Variants in KATNIP observed in about 807,000 individuals in gnomAD.
KATNIP encodes katanin-interacting protein.
In KATNIP, 126 loss-of-function variants were observed where a neutral mutation model predicts 174.0. That is an observed-to-expected ratio of 0.72 (90% CI 0.63 to 0.84). KATNIP has a LOEUF of 0.84. Ranked by LOEUF, KATNIP falls within the 40% of genes least tolerant of loss-of-function variation. KATNIP has a pLI of 0.00. For synonymous variants in KATNIP, 810 were observed against 835.7 expected (o/e 0.97, Z 0.53); for missense variants, 1,958 against 2,109.7 (o/e 0.93, Z 1.41).
At chr16:27,623,987 C>A (rs1179019611) in intron 3 of KATNIP, among the ~76,000 whole-genome samples, 1 of 152,110 alleles carries the variant, frequency 6.6e-6, no homozygotes, top group Non-Finnish European at 1.5e-5. Flanking sequence ...TCTGTTTCCT[C>A]TTCTGTAACA....
rs540011620 is a variant in KATNIP at position 27,641,260 on chromosome 16, G to T, written c.409-7344G>T. ...TCATCCCGATTCTTGGTTATCTTAA[G>T]TTCAGGCACGTTTGGGTCCAGGAGC... On this transcript the variant is annotated intron_variant, in intron 5 of 27. Coordinates refer to ENST00000261588, the MANE Select transcript of KATNIP (RefSeq NM_015202.5). Among the ~76,000 whole-genome samples, 17 of 152,140 alleles carry T rather than the reference G, an allele frequency of 1.1e-4. No homozygotes were observed. In the South Asian group the frequency reaches 3.5e-3, roughly 32 times the overall value.
chr16:27,701,364 G>C (rs1445359627), intron 10 of KATNIP: 5 of 446,166 alleles, frequency 1.1e-5, no homozygotes, highest in Non-Finnish European at 2.1e-5. Flanking sequence ...GTCACTCATC[G>C]AAGTGGATTG....
At chr16:27,758,071 G>A (rs551711152) in intron 18 of KATNIP, among the ~76,000 whole-genome samples, 1 of 152,296 alleles carries the variant, frequency 6.6e-6, no homozygotes, top group South Asian at 2.1e-4. Flanking sequence ...GAAAAGGAGA[G>A]TAATCAATTT....
chr16:27,778,268 G>A (rs1224147438), intron 27 of KATNIP, among the ~76,000 whole-genome samples: 2 of 152,338 alleles, frequency 1.3e-5, no homozygotes, highest in African/African-American at 2.4e-5. Context: ...GGTTTGCCCC[G>A]GGCCGTGGGA....
chr16:27,682,024 G>A lies in KATNIP; in HGVS notation c.940+494G>A, dbSNP rs138003132. 3.4e-3 allele frequency among the ~76,000 whole-genome samples: 516 copies of A among 152,318 alleles called. 4 individuals carry two copies. The highest frequency in any genetic ancestry group is 0.011 in the African/African-American group (463 of 41,566). On this transcript the variant is annotated intron_variant, in intron 8 of 27. Transcript: ENST00000261588. ...TTTCCTGTGGCCCAGTCAAGCCAAC[G>A]CATTAAAGTAACCATGAGAGTGATT...
intron 1 of KATNIP, among the ~76,000 whole-genome samples, chr16:27,571,590 G>A (rs1179639008): frequency 6.6e-6 from 1 of 152,210 alleles, no homozygotes; most frequent in Admixed American, 6.5e-5. Context: ...GGGATCTGCC[G>A]TGCTCACCCT....
intron 19 of KATNIP, 68 bp from the exon 20 acceptor site, chr16:27,766,241 G>A (rs377091841): frequency 1.3e-6 from 2 of 1,562,592 alleles, no homozygotes; most frequent in East Asian, 2.3e-5. Context: ...GAGGGGGTGG[G>A]GGCCCCACTG....
chr16:27,664,206 T>G lies in KATNIP; in HGVS notation c.541-13523T>G, dbSNP rs575736877. On this transcript the variant is annotated intron_variant, in intron 6 of 27. Coordinates refer to ENST00000261588, the MANE Select transcript of KATNIP (RefSeq NM_015202.5). Reference sequence around the variant, plus strand: ...ATTTTTGCTATCGTTTTGTATTAGTTTCTAATTTGGCCACATTATGATTTA... The same window carrying G: ...ATTTTTGCTATCGTTTTGTATTAGTGTCTAATTTGGCCACATTATGATTTA... Among the ~76,000 whole-genome samples, 32 of 152,332 alleles carry G rather than the reference T, an allele frequency of 2.1e-4. 1 individual carries two copies. The highest frequency in any genetic ancestry group is 7.0e-4 in the African/African-American group (29 of 41,578).
chr16:27,628,630 G>A (rs2076398177), intron 3 of KATNIP, 31 bp from the exon 4 acceptor site: 1 of 1,610,388 alleles, frequency 6.2e-7, no homozygotes, highest in African/African-American at 1.3e-5. Context: ...CTCAAATGAT[G>A]AGGAGGAACA....
At chr16:27,645,458 C>T (rs1296328410) in intron 5 of KATNIP, among the ~76,000 whole-genome samples, 1 of 152,160 alleles carries the variant, frequency 6.6e-6, no homozygotes, top group Non-Finnish European at 1.5e-5. Flanking sequence ...ACACAGGAGC[C>T]ACGGTAACAG....
intron 8 of KATNIP, among the ~76,000 whole-genome samples, chr16:27,682,734 C>G (rs2078394438): frequency 6.6e-6 from 1 of 152,080 alleles, no homozygotes; most frequent in Non-Finnish European, 1.5e-5. Context: ...TTGCCCCCTC[C>G]AAGACTCATG....
At chr16:27,644,671 A>T (rs2076908097) in intron 5 of KATNIP, 1 of 151,846 alleles carries the variant, frequency 6.6e-6, no homozygotes, top group Admixed American at 6.6e-5. Context: ...ACGCCCGGCT[A>T]ATTTATCTAT....
At chr16:27,755,995 G>A (rs2081708273) in intron 18 of KATNIP, among the ~76,000 whole-genome samples, 1 of 152,064 alleles carries the variant, frequency 6.6e-6, no homozygotes. Context: ...AAGAGCCTCA[G>A]TGGTGAGCTG....
chr16:27,570,866 A>T (rs2090265061), intron 1 of KATNIP, among the ~76,000 whole-genome samples: 1 of 152,218 alleles, frequency 6.6e-6, no homozygotes, highest in South Asian at 2.1e-4. Context: ...GACAGTATAT[A>T]CGGTGAGAAA....
intron 2 of KATNIP, among the ~76,000 whole-genome samples, chr16:27,606,305 C>T (rs1032412318): frequency 2.0e-5 from 3 of 152,056 alleles, no homozygotes; most frequent in Non-Finnish European, 4.4e-5. Flanking sequence ...ACATTTGGAT[C>T]ATCTCTTCTT....
chr16:27,720,171 A>T (rs2080156890), intron 13 of KATNIP, among the ~76,000 whole-genome samples: 1 of 152,068 alleles, frequency 6.6e-6, no homozygotes, highest in Non-Finnish European at 1.5e-5. Context: ...GCCCACTGCA[A>T]CATCCACCTC....
chr16:27,648,590 G>C lies in KATNIP; in HGVS notation c.409-14G>C. The C allele has an allele frequency of 6.2e-7, 1 of 1,613,966 alleles. No individual in the cohort carries two copies. The highest frequency in any genetic ancestry group is 8.5e-7 in the Non-Finnish European group (1 of 1,179,890). On this transcript the variant is annotated splice_polypyrimidine_tract_variant and intron_variant, in intron 5 of 27. Transcript: ENST00000261588. The stretch of plus-strand genomic sequence containing the variant: ...CATTCCACCTTATCTGAAATGGCCT[G>C]CATTTTTGTACAGAAATCTGTGCAG...
intron 14 of KATNIP, among the ~76,000 whole-genome samples, chr16:27,733,728 C>T (rs149832440): frequency 1.5e-3 from 226 of 152,136 alleles, no homozygotes; most frequent in Middle Eastern, 6.8e-3. Flanking sequence ...AAAGCCCTGA[C>T]GACTGGAGGG....
chr16:27,763,054 A>G (rs2082005680), intron 19 of KATNIP, among the ~76,000 whole-genome samples: 1 of 152,174 alleles, frequency 6.6e-6, no homozygotes, highest in South Asian at 2.1e-4. Context: ...GCAGTGGCTC[A>G]TGCCCATAAT....
Sources: allele counts gnomAD v4.1 joint callset (sites outside exome capture counted in the v4.1 genomes callset), GRCh38; gene constraint gnomAD v4.1.1; transcripts MANE v1.5; gene names NCBI Gene and HGNC (gene_info 2026-07-23, HGNC 2026-07-21).